The following ARHGEF7 variants were observed in gnomAD, a reference collection of about 807,000 sequenced individuals.
ARHGEF7 encodes the protein PAK-interacting exchange factor beta.
ARHGEF7 carries 33 observed loss-of-function variants against 109.8 expected under a neutral mutation model. The observed-to-expected ratio is 0.30, with a 90% CI of 0.23 to 0.40. ARHGEF7 has a LOEUF of 0.40. ARHGEF7 is among the 10% of genes least tolerant of loss of function. The pLI, the probability that ARHGEF7 is intolerant of heterozygous loss-of-function variation, is 1.00. For missense variants in ARHGEF7, 938 were observed against 1,098.5 expected (o/e 0.85, Z 2.07); for synonymous variants, 458 against 424.6 (o/e 1.08, Z -0.97).
chr13:111,287,703 A>AC (rs138544890), intron 17 of ARHGEF7, among the ~76,000 whole-genome samples: 3,260 of 152,212 alleles, frequency 0.021, 120 homozygotes, highest in African/African-American at 0.075. Flanking sequence ...GGTTGCAGAG[A>AC]CCCTGAGCAG....
At chr13:111,275,878 T>TGAGG in intron 12 of ARHGEF7, 200 bp downstream of exon 12, 2 of 607,192 alleles carry the variant, frequency 3.3e-6, no homozygotes, top group East Asian at 3.3e-5. Flanking sequence ...GTGGACTTGT[T>TGAGG]GATCAGTTTG....
At chr13:111,193,837 A>T (rs927057205) in intron 2 of ARHGEF7, among the ~76,000 whole-genome samples, 1 of 152,240 alleles carries the variant, frequency 6.6e-6, no homozygotes, top group African/African-American at 2.4e-5. Flanking sequence ...AGTCTGGACT[A>T]TAATTTGTTG....
chr13:111,205,039 A>AG (rs1232342243), intron 2 of ARHGEF7, among the ~76,000 whole-genome samples: 3 of 152,088 alleles, frequency 2.0e-5, no homozygotes, highest in African/African-American at 7.2e-5. Context: ...CACACTCCAG[A>AG]GGGGCAGGGG....
chr13:111,123,239 C>T (rs1479885907), intron 1 of ARHGEF7, among the ~76,000 whole-genome samples: 2 of 152,210 alleles, frequency 1.3e-5, no homozygotes, highest in Non-Finnish European at 2.9e-5. Flanking sequence ...CCTGTGTCTA[C>T]CTCCGAGGAG....
chr13:111,181,759 G>T (rs1566733584), intron 2 of ARHGEF7, among the ~76,000 whole-genome samples: 1 of 152,168 alleles, frequency 6.6e-6, no homozygotes, highest in African/African-American at 2.4e-5. Context: ...CTTCAAGAGA[G>T]GCGCAGCTGT....
intron 2 of ARHGEF7, among the ~76,000 whole-genome samples, chr13:111,174,323 G>A (rs751772075): frequency 1.8e-4 from 28 of 152,188 alleles, no homozygotes; most frequent in Non-Finnish European, 2.9e-4. Context: ...GGCAGTGCCT[G>A]TGGAATCCCT....
At position 111,303,769 on chromosome 13, in the gene ARHGEF7, CAG is replaced by C. The variant is rs1234937263; in HGVS notation, c.*658_*659del. 2 of 152,320 alleles carry C rather than the reference CAG, an allele frequency of 1.3e-5. No individual in the cohort carries two copies. Among genetic ancestry groups the C allele is most frequent in the East Asian group, 3.8e-4 (2 of 5,204 alleles). The allele number at this position is 152,320 out of a possible 1,614,324, so 9.4% of individuals were successfully genotyped here. ...TTTCTGAGGGCAACTTGCTGGCTGA[CAG>C]ACTCAGTCTTGACCTCAAGGAAGGC... is the stretch of plus-strand genomic sequence containing the variant. On this transcript the variant is annotated 3_prime_UTR_variant, in exon 22 of 22. Coordinates refer to ENST00000646102, the MANE Select transcript of ARHGEF7 (RefSeq NM_001354046.2).
At chr13:111,265,212 C>T (rs577768940) in intron 8 of ARHGEF7, among the ~76,000 whole-genome samples, 30 of 151,604 alleles carry the variant, frequency 2.0e-4, no homozygotes, top group Middle Eastern at 6.8e-3. Context: ...TGGGATTTGG[C>T]ACCTCTGTCA....
At chr13:111,192,644 T>TGCCTTC (rs1017347390) in intron 2 of ARHGEF7, among the ~76,000 whole-genome samples, 1 of 152,200 alleles carries the variant, frequency 6.6e-6, no homozygotes, top group African/African-American at 2.4e-5. Context: ...GTGTTTTGTT[T>TGCCTTC]GCCTTCTCGA....
At position 111,217,738 on chromosome 13, in the gene ARHGEF7, G is replaced by A; in HGVS notation, c.528G>A (p.Gln176=). 6.2e-7 allele frequency: 1 copy of A among 1,614,230 alleles called. No individual in the cohort carries two copies. Among genetic ancestry groups the A allele is most frequent in the Non-Finnish European group, 8.5e-7 (1 of 1,180,044 alleles). Residue 176 remains glutamine (Q), a synonymous_variant, in exon 5 of 22, where the codon CAG becomes CAA. Transcript: ENST00000646102. ...TAAGAGCAAAGTTTAACTTCCAGCA[G>A]ACCAATGAGGACGAGCTTTCCTTCT... ...LVVRAKFNFQ[Q]TNEDELSFSK...
rs114235751 is a variant in ARHGEF7 at position 111,134,015 on chromosome 13, A to G, written c.165+18324A>G. 6.9e-3 allele frequency among the ~76,000 whole-genome samples: 1,004 copies of G among 145,172 alleles called. 11 individuals carry two copies. Among genetic ancestry groups the G allele is most frequent in the African/African-American group, 0.023 (913 of 38,944 alleles). The stretch of plus-strand genomic sequence containing the variant: ...ACCCTTCCTGTGTCCAAGTGTTCTC[A>G]TTGTTCAGTGAGTGAGAACATGCGG... On this transcript the variant is annotated intron_variant, in intron 1 of 21. Transcript: ENST00000646102.
intron 19 of ARHGEF7, 171 bp downstream of exon 19, chr13:111,292,465 TG>T (rs1418210039): frequency 1.4e-6 from 2 of 1,443,404 alleles, no homozygotes; most frequent in African/African-American, 2.9e-5. Context: ...TATTTCCCAT[TG>T]TACTTTGTGG....
At chr13:111,268,262 T>A (rs2091838949) in intron 9 of ARHGEF7, among the ~76,000 whole-genome samples, 1 of 152,284 alleles carries the variant, frequency 6.6e-6, no homozygotes, top group Non-Finnish European at 1.5e-5. Flanking sequence ...AGAATTGATT[T>A]GTTTGAGGAT....
chr13:111,150,012 T>G (rs1243556949), intron 1 of ARHGEF7, among the ~76,000 whole-genome samples: 1 of 152,184 alleles, frequency 6.6e-6, no homozygotes, highest in Non-Finnish European at 1.5e-5. Context: ...CTGGTGGAAC[T>G]CACCCTGCAC....
intron 3 of ARHGEF7, 36 bp from the exon 4 acceptor site, chr13:111,209,836 C>G: frequency 1.2e-6 from 2 of 1,606,362 alleles, no homozygotes; most frequent in Non-Finnish European, 1.7e-6. Context: ...ATCAGGCGCT[C>G]TCAGCTCTCT....
rs958551589 is a variant in ARHGEF7, at chr13:111,300,754, G to T, written c.2318G>T (p.Arg773Leu). ...SYRMGSTSRS[R>L]KESAPQVLLP... ...TATTTTTTCATGATCCTAGGTTCAC[G>T]CAAAGAATCTGCTCCACAAGTTTTG... Residue 773 changes from arginine (R) to leucine (L), a missense_variant, in exon 20 of 22, where the codon CGC (arginine) becomes CTC (leucine). Arg to Leu is a moderately radical substitution (Grantham distance 102). Transcript: ENST00000646102. 4 of 1,604,204 alleles carry T rather than the reference G, an allele frequency of 2.5e-6. No homozygotes were observed. Among genetic ancestry groups the T allele is most frequent in the East Asian group, 4.5e-5 (2 of 44,664 alleles).
chr13:111,279,457 A>G (rs1260344684), intron 13 of ARHGEF7, among the ~76,000 whole-genome samples: 4 of 152,204 alleles, frequency 2.6e-5, no homozygotes, highest in East Asian at 1.9e-4. Context: ...CACGTTCCCC[A>G]CACCAGTTGA....
chr13:111,234,135 A>G (rs1288497719), intron 6 of ARHGEF7, among the ~76,000 whole-genome samples: 6 of 152,216 alleles, frequency 3.9e-5, no homozygotes, highest in Non-Finnish European at 8.8e-5. Context: ...AGATATAACT[A>G]TGAACCCACG....
chr13:111,123,870 C>CA (rs1427243252), intron 1 of ARHGEF7, among the ~76,000 whole-genome samples: 1 of 146,358 alleles, frequency 6.8e-6, no homozygotes, highest in South Asian at 2.3e-4. Flanking sequence ...GCGCCCCCCC[C>CA]CCCCGGCCCC....
Sources: gnomAD v4.1 joint callset for allele counts (sites outside exome capture counted in the v4.1 genomes callset) on GRCh38, gnomAD v4.1.1 for gene constraint, MANE v1.5 for transcripts, NCBI Gene and HGNC (gene_info 2026-07-23, HGNC 2026-07-21) for gene names.